Variants in ATG10 observed in about 807,000 individuals in gnomAD.
ATG10 encodes the protein autophagy related 10.
Under a neutral mutation model 32.1 loss-of-function variants are expected in ATG10, and 30 were observed. That is an observed-to-expected ratio of 0.94 (90% CI 0.70 to 1.27). The LOEUF (loss-of-function observed/expected upper bound fraction) is 1.27, where lower values mean the gene tolerates loss of function less well. ATG10 is among the 50% of genes most tolerant of loss of function. ATG10 has a pLI of 0.00. For missense variants in ATG10, 233 were observed against 262.3 expected, an observed-to-expected ratio of 0.89 and a Z score of 0.77; for synonymous variants, 87 against 91.5, an observed-to-expected ratio of 0.95 and a Z score of 0.28.
chr5:82,233,443 G>A (rs893829159), intron 5 of ATG10, among the ~76,000 whole-genome samples: 7 of 152,130 alleles, frequency 4.6e-5, no homozygotes, highest in African/African-American at 1.4e-4. Context: ...TTGTTCCTTC[G>A]TTTATATTAT....
chr5:82,179,143 G>T (rs1744141526), intron 5 of ATG10, among the ~76,000 whole-genome samples: 1 of 152,056 alleles, frequency 6.6e-6, no homozygotes, highest in African/African-American at 2.4e-5. Context: ...AAACAGAATG[G>T]TTGTATAGGT....
intron 3 of ATG10, among the ~76,000 whole-genome samples, chr5:82,120,958 T>G (rs369722065): frequency 2.6e-5 from 4 of 152,212 alleles, no homozygotes; most frequent in Non-Finnish European, 4.4e-5. Flanking sequence ...TGAAAATCCT[T>G]TGAACTTTGC....
At chr5:82,070,804 C>G (rs901340025) in intron 3 of ATG10, among the ~76,000 whole-genome samples, 10 of 152,112 alleles carry the variant, frequency 6.6e-5, no homozygotes, top group Non-Finnish European at 7.4e-5. Context: ...AATAAGTAAT[C>G]TATAGTACCT....
chr5:82,085,002 G>C (rs958497429), intron 3 of ATG10, among the ~76,000 whole-genome samples: 2 of 152,092 alleles, frequency 1.3e-5, no homozygotes, highest in Admixed American at 1.3e-4. Context: ...AAATGTAAAT[G>C]GGCTAAATGC....
intron 2 of ATG10, among the ~76,000 whole-genome samples, chr5:82,030,209 A>G (rs1011985068): frequency 1.3e-5 from 2 of 152,138 alleles, no homozygotes; most frequent in African/African-American, 4.8e-5. Context: ...GGGAAAGCTG[A>G]AGAATATGGT....
intron 3 of ATG10, among the ~76,000 whole-genome samples, chr5:82,090,235 A>G (rs1764838285): frequency 6.6e-6 from 1 of 152,182 alleles, no homozygotes; most frequent in African/African-American, 2.4e-5. Flanking sequence ...CAATTACCAT[A>G]TGACCCAGCA....
chr5:82,020,235 A>G (rs765876272), intron 2 of ATG10, among the ~76,000 whole-genome samples: 2 of 152,238 alleles, frequency 1.3e-5, no homozygotes, highest in Non-Finnish European at 2.9e-5. Flanking sequence ...GAGTAAGAGC[A>G]TGCTTCATTT....
chr5:82,032,493 T>C (rs1373612378), intron 2 of ATG10, among the ~76,000 whole-genome samples: 2 of 152,156 alleles, frequency 1.3e-5, no homozygotes, highest in Admixed American at 1.3e-4. Context: ...ACTGTTCTTT[T>C]TCCTCTCTCA....
intron 3 of ATG10, among the ~76,000 whole-genome samples, chr5:82,063,555 T>TG (rs1292089382): frequency 6.6e-6 from 1 of 151,792 alleles, no homozygotes; most frequent in Non-Finnish European, 1.5e-5. Context: ...TGCAGTGGTG[T>TG]GATCTTGGCT....
intron 3 of ATG10, among the ~76,000 whole-genome samples, chr5:82,077,431 A>T (rs117730989): frequency 1.1e-4 from 16 of 152,254 alleles, no homozygotes; most frequent in Non-Finnish European, 1.8e-4. Context: ...TCATGAATAA[A>T]TGAGAGAAAC....
At chr5:82,237,894 T>C (rs951816058) in intron 5 of ATG10, among the ~76,000 whole-genome samples, 1 of 152,206 alleles carries the variant, frequency 6.6e-6, no homozygotes, top group African/African-American at 2.4e-5. Flanking sequence ...TACATCCTGC[T>C]ATACAGACTT....
intron 2 of ATG10, among the ~76,000 whole-genome samples, chr5:82,033,530 C>A (rs1013591515): frequency 6.6e-6 from 1 of 152,008 alleles, no homozygotes; most frequent in African/African-American, 2.4e-5. Flanking sequence ...AAGCACCCTT[C>A]GCTTGGCATC....
intron 3 of ATG10, among the ~76,000 whole-genome samples, chr5:82,068,961 G>A (rs983499247): frequency 6.6e-6 from 1 of 150,990 alleles, no homozygotes; most frequent in Admixed American, 6.6e-5. Context: ...TCCATATGTG[G>A]AGGGAGATAC....
intron 5 of ATG10, among the ~76,000 whole-genome samples, chr5:82,205,236 G>A (rs1745244776): frequency 6.6e-6 from 1 of 152,206 alleles, no homozygotes; most frequent in South Asian, 2.1e-4. Context: ...ACTGTGGTGA[G>A]TAAGCAGAAT....
chr5:82,022,330 CTT>C (rs1353788210), intron 2 of ATG10, among the ~76,000 whole-genome samples: 11 of 140,402 alleles, frequency 7.8e-5, no homozygotes, highest in Non-Finnish European at 7.8e-5. Context: ...AAAATGAGTA[CTT>C]TTTTTTTTTT....
Position 82,183,463 on chromosome 5 carries a change from A to G in ATG10, c.453+4876A>G, listed in dbSNP as rs113666587. ...TCCCTGTGTTTTTTTATAAACTGGT[A>G]GTTAGATCTTGAGGCTTGATCAAAT... On this transcript the variant is annotated intron_variant, in intron 5 of 7. Coordinates refer to ENST00000282185, the MANE Select transcript of ATG10 (RefSeq NM_031482.5). Among the ~76,000 whole-genome samples, 76 of 151,716 alleles carry G rather than the reference A, an allele frequency of 5.0e-4. 1 individual carries two copies. The highest frequency in any genetic ancestry group is 1.7e-3 in the African/African-American group (69 of 41,340).
At chr5:82,217,062 A>G (rs1261685177) in intron 5 of ATG10, among the ~76,000 whole-genome samples, 1 of 151,882 alleles carries the variant, frequency 6.6e-6, no homozygotes, top group Non-Finnish European at 1.5e-5. Flanking sequence ...CTCAAAAAAA[A>G]AAAATGACGA....
intron 3 of ATG10, among the ~76,000 whole-genome samples, chr5:82,127,576 C>G (rs1391212044): frequency 1.3e-5 from 2 of 152,082 alleles, no homozygotes; most frequent in African/African-American, 4.8e-5. Context: ...TGTTCATTTT[C>G]CATGCAGTTG....
At chr5:82,206,376 G>A (rs149947649) in intron 5 of ATG10, among the ~76,000 whole-genome samples, 8 of 152,152 alleles carry the variant, frequency 5.3e-5, no homozygotes, top group South Asian at 2.1e-4. Flanking sequence ...CACCGGGCGC[G>A]GTGGCTCACA....
Sources: gnomAD v4.1 joint callset for allele counts (sites outside exome capture counted in the v4.1 genomes callset) on GRCh38, gnomAD v4.1.1 for gene constraint, MANE v1.5 for transcripts, NCBI Gene and HGNC (gene_info 2026-07-23, HGNC 2026-07-21) for gene names.